The following DAO variants were observed in gnomAD, a reference collection of about 807,000 sequenced individuals.
The protein encoded by DAO is D-amino acid oxidase.
A neutral mutation model predicts 50.1 loss-of-function variants in DAO; 51 were observed. That is an observed-to-expected ratio of 1.02 (90% confidence interval 0.81 to 1.29). The LOEUF (loss-of-function observed/expected upper bound fraction) is 1.29, where lower values mean the gene tolerates loss of function less well. DAO is among the 50% of genes most tolerant of loss of function. The pLI is 0.00. For synonymous variants in DAO, 160 were observed against 166.2 expected (o/e 0.96, Z 0.29); for missense variants, 436 against 439.4 (o/e 0.99, Z 0.07).
chr12:108,881,197 C>CAA (rs60188359), intron 1 of DAO, among the ~76,000 whole-genome samples: 6 of 131,838 alleles, frequency 4.6e-5, no homozygotes, highest in African/African-American at 8.1e-5. Flanking sequence ...CACACACACA[C>CAA]AAATATAATA....
intron 2 of DAO, among the ~76,000 whole-genome samples, chr12:108,886,363 G>A (rs1376082210): frequency 6.6e-6 from 1 of 151,906 alleles, no homozygotes; most frequent in African/African-American, 2.4e-5. Context: ...ATCTAAGTGG[G>A]TGGATGGATG....
In DAO at chr12:108,885,080, C is replaced by T. The variant is rs145042431; in HGVS notation, c.74C>T (p.Ser25Leu). The T allele has an allele frequency of 1.6e-5, 26 of 1,614,064 alleles. 1 individual carries two copies. In the Admixed American group the frequency reaches 2.2e-4, roughly 13 times the overall value. Residue 25 changes from serine (S) to leucine (L), a missense_variant, in exon 2 of 11, where the codon TCA (serine) becomes TTA (leucine). By Grantham distance (145) the Ser-to-Leu change is moderately radical (BLOSUM62 -2). Transcript: ENST00000228476. ...TALCIHERYHSVLQPLDIKVY... is the reference protein window; with the variant it reads ...TALCIHERYHLVLQPLDIKVY... ...CTCTGCATCCATGAGCGCTACCACT[C>T]AGTCCTGCAGCCACTGGACATAAAG... is the stretch of plus-strand genomic sequence containing the variant.
chr12:108,896,653 A>C (rs961777148), intron 7 of DAO, among the ~76,000 whole-genome samples: 1 of 152,002 alleles, frequency 6.6e-6, no homozygotes, highest in Non-Finnish European at 1.5e-5. Context: ...ACTCAGCTCC[A>C]AGGTTTCTCT....
Position 108,887,326 on chromosome 12 carries a change from G to A in DAO, c.195-124G>A. On this transcript the variant is annotated intron_variant, in intron 2 of 10. Transcript: ENST00000228476. ...TTGGGGAGTTGCAGGAGTGAACGTG[G>A]TGGATTTCTGGGTTTTGGACACACC... The A allele has an allele frequency of 3.8e-6, 3 of 783,984 alleles. No individual in the cohort carries two copies. The South Asian group carries it at 4.1e-5, about 11-fold the overall frequency. 48.6% of individuals were successfully genotyped at this position (783,984 alleles called of 1,614,324 possible). A position where few individuals can be genotyped will look rare whatever the true frequency, so the allele number is the denominator to read the frequency against.
chr12:108,895,937 T>C (rs2039549383), intron 7 of DAO, among the ~76,000 whole-genome samples: 2 of 151,864 alleles, frequency 1.3e-5, no homozygotes, highest in Admixed American at 6.6e-5. Context: ...TGGAGCCAGC[T>C]TGAGGGCGCA....
At chr12:108,884,860 G>T in intron 1 of DAO, 138 bp from the exon 2 acceptor site, 6 of 790,518 alleles carry the variant, frequency 7.6e-6, no homozygotes, top group Non-Finnish European at 1.3e-5. Context: ...TCCTCCTAGG[G>T]GTCATCGGGA....
chr12:108,897,062 C>CTACA lies in DAO; in HGVS notation c.670_673dup (p.Asn225IlefsTer26). On this transcript the variant is annotated frameshift_variant, in exon 8 of 11. Transcript: ENST00000228476. LOFTEE classifies it high-confidence loss of function. ...TCACCCATGACCCAGAGAGAGGCAT[C>CTACA]TACAATTCCCCGTACATCATCCCAG... is the stretch of plus-strand genomic sequence containing the variant. 1 of 1,613,938 alleles carries CTACA rather than the reference C, an allele frequency of 6.2e-7. No homozygotes were observed. Among genetic ancestry groups the CTACA allele is most frequent in the East Asian group, 2.2e-5 (1 of 44,880 alleles).
Position 108,898,558 on chromosome 12 carries a change from T to C in DAO, c.696-121T>C, listed in dbSNP as rs146918782. The stretch of plus-strand genomic sequence containing the variant: ...TTGTTGGTGTTGATGGTGATGACAG[T>C]GGCAATTGAGGTAGTGATGGTGGTG... On this transcript the variant is annotated intron_variant, in intron 8 of 10. Coordinates refer to ENST00000228476, the MANE Select transcript of DAO (RefSeq NM_001917.5). The C allele has an allele frequency of 1.0e-4, 79 of 779,234 alleles. 1 individual carries two copies. Among genetic ancestry groups the C allele is most frequent in the African/African-American group, 9.6e-4 (57 of 59,150 alleles). 48.3% of individuals were successfully genotyped at this position (779,234 alleles called of 1,614,324 possible). A position where few individuals can be genotyped will look rare whatever the true frequency, so the allele number is the denominator to read the frequency against.
chr12:108,899,582 AGCAG>A (rs1247880805), intron 10 of DAO, 107 bp downstream of exon 10: 10 of 966,802 alleles, frequency 1.0e-5, no homozygotes, highest in Middle Eastern at 2.7e-4. Context: ...CAGGCTCCAT[AGCAG>A]GCAGGGGCAG....
chr12:108,885,335 G>A (rs1280952500), intron 2 of DAO, 135 bp downstream of exon 2: 4 of 886,400 alleles, frequency 4.5e-6, no homozygotes, highest in Admixed American at 2.2e-5. Context: ...AATGCCAGGC[G>A]TGGTGGTTCA....
At chr12:108,896,926 A>T in intron 7 of DAO, 80 bp from the exon 8 acceptor site, 1 of 1,037,498 alleles carries the variant, frequency 9.6e-7, no homozygotes, top group South Asian at 1.3e-5. Flanking sequence ...TCTTGTCAGG[A>T]CATCTGGCCA....
At chr12:108,881,607 T>TTTTC (rs2039381708) in intron 1 of DAO, among the ~76,000 whole-genome samples, 1 of 85,626 alleles carries the variant, frequency 1.2e-5, no homozygotes, top group African/African-American at 7.6e-5. Flanking sequence ...TTAAATTTTT[T>TTTTC]TTTTTTTTTT....
At chr12:108,892,683 G>C (rs1038107086) in intron 5 of DAO, among the ~76,000 whole-genome samples, 7 of 152,116 alleles carry the variant, frequency 4.6e-5, no homozygotes, top group Non-Finnish European at 8.8e-5. Flanking sequence ...TAAGAGGCCT[G>C]GGTTTGAGTT....
intron 7 of DAO, 123 bp downstream of exon 7, chr12:108,894,490 G>A (rs2039525998): frequency 1.2e-6 from 1 of 816,816 alleles, no homozygotes; most frequent in Non-Finnish European, 2.0e-6. Context: ...CGGACTGCAG[G>A]GAATTGACAT....
At chr12:108,885,247 G>C in intron 2 of DAO, 47 bp downstream of exon 2, 1 of 1,568,654 alleles carries the variant, frequency 6.4e-7, no homozygotes, top group South Asian at 1.1e-5. Flanking sequence ...ATGGACCTAA[G>C]TCTGCAGAGG....
intron 2 of DAO, 32 bp from the exon 3 acceptor site, chr12:108,887,418 T>G: frequency 6.5e-7 from 1 of 1,531,828 alleles, no homozygotes; most frequent in Non-Finnish European, 9.0e-7. Flanking sequence ...GCTCAGGGCA[T>G]TGGGTGATCG....
rs1024276401 is a variant in DAO, at chr12:108,891,056, C to T, written c.452+783C>T. On this transcript the variant is annotated intron_variant, in intron 5 of 10. Transcript: ENST00000228476. Reference sequence around the variant, plus strand: ...CAGGATGGTCTCAATCTCCTGACCTCGTAATCTGCCCGCCTCGGCCTCCCA... The same window carrying T: ...CAGGATGGTCTCAATCTCCTGACCTTGTAATCTGCCCGCCTCGGCCTCCCA... Among the ~76,000 whole-genome samples, 7 of 152,152 alleles carry T rather than the reference C, an allele frequency of 4.6e-5. 1 individual carries two copies. Among genetic ancestry groups the T allele is most frequent in the Admixed American group, 2.0e-4 (3 of 15,276 alleles).
chr12:108,898,419 G>A, intron 8 of DAO: 1 of 481,312 alleles, frequency 2.1e-6, no homozygotes, highest in Non-Finnish European at 3.9e-6. Context: ...AATGTTAGTG[G>A]TGGTGGTGAA....
chr12:108,893,860 T>C (rs2039517623), intron 6 of DAO, among the ~76,000 whole-genome samples: 3 of 152,166 alleles, frequency 2.0e-5, no homozygotes, highest in Admixed American at 2.0e-4. Context: ...AGAATAAAGT[T>C]AAAAGGAGTC....
Sources: allele counts gnomAD v4.1 joint callset (sites outside exome capture counted in the v4.1 genomes callset), GRCh38; gene constraint gnomAD v4.1.1; transcripts MANE v1.5; gene names NCBI Gene and HGNC (gene_info 2026-07-23, HGNC 2026-07-21).